PDE3A: variants seen among roughly 807,000 people sequenced by gnomAD.
PDE3A encodes phosphodiesterase 3A.
PDE3A carries 43 observed loss-of-function variants against 98.3 expected under a neutral mutation model. The ratio of observed to expected loss-of-function variants is 0.44; its 90% CI spans 0.34 to 0.56. The LOEUF (loss-of-function observed/expected upper bound fraction) is 0.56. Ranked by LOEUF, PDE3A falls within the 20% of genes least tolerant of loss-of-function variation. PDE3A has a pLI of 0.01. For synonymous variants in PDE3A, 663 were observed against 567.9 expected, an observed-to-expected ratio of 1.17 and a Z score of -2.38; for missense variants, 1,427 against 1,440.7, an observed-to-expected ratio of 0.99 and a Z score of 0.15.
intron 2 of PDE3A, among the ~76,000 whole-genome samples, chr12:20,577,990 G>GGGC (rs1338954005): frequency 6.6e-6 from 1 of 152,076 alleles, no homozygotes; most frequent in Non-Finnish European, 1.5e-5. Flanking sequence ...AGTGGGAGAG[G>GGGC]GGCAGTCCTG....
At chr12:20,627,130 G>C (rs530212472) in intron 5 of PDE3A, among the ~76,000 whole-genome samples, 2 of 116,224 alleles carry the variant, frequency 1.7e-5, no homozygotes, top group African/African-American at 6.4e-5. Context: ...CATGGGCTTT[G>C]AACTATTGTT....
At chr12:20,633,547 CAA>C in intron 6 of PDE3A, 144 bp from the exon 7 acceptor site, 1 of 497,194 alleles carries the variant, frequency 2.0e-6, no homozygotes, top group Non-Finnish European at 3.6e-6. Flanking sequence ...ATGTATCAAA[CAA>C]AATGCATATT....
chr12:20,425,811 AT>A (rs1482234871), intron 1 of PDE3A, among the ~76,000 whole-genome samples: 4 of 152,176 alleles, frequency 2.6e-5, no homozygotes, highest in African/African-American at 9.6e-5. Context: ...GCGGCAGAAT[AT>A]GATGATTATG....
At chr12:20,504,755 T>C (rs984360563) in intron 1 of PDE3A, among the ~76,000 whole-genome samples, 2 of 152,070 alleles carry the variant, frequency 1.3e-5, no homozygotes, top group Non-Finnish European at 2.9e-5. Context: ...ATTTCTACCA[T>C]CTTCACGTCT....
intron 1 of PDE3A, among the ~76,000 whole-genome samples, chr12:20,399,876 G>A (rs1349542489): frequency 6.6e-6 from 1 of 152,138 alleles, no homozygotes; most frequent in Non-Finnish European, 1.5e-5. Context: ...TTTGAACATT[G>A]CTTTAAGCAA....
At chr12:20,592,495 T>A (rs1318457794) in intron 2 of PDE3A, among the ~76,000 whole-genome samples, 3 of 152,158 alleles carry the variant, frequency 2.0e-5, no homozygotes, top group Non-Finnish European at 4.4e-5. Context: ...TGTTCTAGTG[T>A]TTTCCAATGA....
At chr12:20,495,398 AAAC>A (rs1390158642) in intron 1 of PDE3A, among the ~76,000 whole-genome samples, 1 of 152,176 alleles carries the variant, frequency 6.6e-6, no homozygotes, top group Admixed American at 6.5e-5. Context: ...TCATACAAAG[AAAC>A]AACTATAATC....
chr12:20,437,970 G>T (rs529600621), intron 1 of PDE3A, among the ~76,000 whole-genome samples: 143 of 104,676 alleles, frequency 1.4e-3, no homozygotes, highest in African/African-American at 3.5e-3. Context: ...TAAAGAAAAA[G>T]GATTTTTTTT....
chr12:20,601,114 A>G (rs1943580609), intron 2 of PDE3A, among the ~76,000 whole-genome samples: 1 of 152,160 alleles, frequency 6.6e-6, no homozygotes, highest in Non-Finnish European at 1.5e-5. Context: ...TCACATATAG[A>G]CATACCAAAA....
At chr12:20,508,608 A>G (rs1565571902) in intron 1 of PDE3A, among the ~76,000 whole-genome samples, 1 of 151,968 alleles carries the variant, frequency 6.6e-6, no homozygotes, top group Non-Finnish European at 1.5e-5. Flanking sequence ...TAGACGTCAT[A>G]CCCTTTAAAG....
rs112852096 is a variant in PDE3A at position 20,446,726 on chromosome 12, G to A, written c.960+76482G>A. The stretch of plus-strand genomic sequence containing the variant: ...ATTCTAACAGCTAGTAATGTATTTG[G>A]AGGAATAAATGCCGTGAAGAAAAGC... On this transcript the variant is annotated intron_variant, in intron 1 of 15. Transcript: ENST00000359062. Among the ~76,000 whole-genome samples the A allele has an allele frequency of 5.2e-3, 787 of 152,202 alleles. 4 individuals are homozygous for A. The highest frequency in any genetic ancestry group is 0.018 in the African/African-American group (748 of 41,520).
chr12:20,455,096 C>G (rs980878581), intron 1 of PDE3A, among the ~76,000 whole-genome samples: 5 of 152,178 alleles, frequency 3.3e-5, no homozygotes, highest in Admixed American at 3.3e-4. Context: ...ATAAGCGTTT[C>G]TTTTTCTCCA....
At chr12:20,479,847 A>C (rs1203239191) in intron 1 of PDE3A, among the ~76,000 whole-genome samples, 6 of 152,182 alleles carry the variant, frequency 3.9e-5, no homozygotes, top group Non-Finnish European at 1.5e-5. Flanking sequence ...ACAAAGTCTT[A>C]AATTGATTTT....
intron 12 of PDE3A, among the ~76,000 whole-genome samples, chr12:20,648,337 C>A (rs1944824712): frequency 6.7e-6 from 1 of 149,212 alleles, no homozygotes; most frequent in African/African-American, 2.5e-5. Flanking sequence ...TTCTTTCTCC[C>A]TCCTCTTTTC....
intron 2 of PDE3A, among the ~76,000 whole-genome samples, chr12:20,597,768 A>G (rs1374216263): frequency 3.3e-5 from 5 of 152,174 alleles, no homozygotes; most frequent in Non-Finnish European, 7.3e-5. Context: ...ACTGCAAGCT[A>G]CCTAAAGGTA....
chr12:20,387,067 A>G (rs1429845867), intron 1 of PDE3A, among the ~76,000 whole-genome samples: 3 of 152,056 alleles, frequency 2.0e-5, no homozygotes, highest in Non-Finnish European at 2.9e-5. Flanking sequence ...AGGTTTGTTG[A>G]AGATCAGATG....
intron 1 of PDE3A, among the ~76,000 whole-genome samples, chr12:20,447,136 C>T (rs999011285): frequency 2.0e-5 from 3 of 152,270 alleles, no homozygotes; most frequent in African/African-American, 7.2e-5. Context: ...GCAAAGGAGG[C>T]AGCATGAGAC....
chr12:20,505,858 G>T (rs1946106981), intron 1 of PDE3A, among the ~76,000 whole-genome samples: 2 of 151,908 alleles, frequency 1.3e-5, no homozygotes, highest in South Asian at 4.2e-4. Flanking sequence ...GCAGCATGGA[G>T]CTGCCATATA....
intron 1 of PDE3A, among the ~76,000 whole-genome samples, chr12:20,448,974 C>T (rs1321684841): frequency 1.3e-5 from 2 of 152,068 alleles, no homozygotes; most frequent in Non-Finnish European, 2.9e-5. Flanking sequence ...TTTTGGTTTC[C>T]TACTTCCTCC....
Sources: gnomAD v4.1 joint callset for allele counts (sites outside exome capture counted in the v4.1 genomes callset) on GRCh38, gnomAD v4.1.1 for gene constraint, MANE v1.5 for transcripts, NCBI Gene and HGNC (gene_info 2026-07-23, HGNC 2026-07-21) for gene names.